Variants in MAP2K5 observed in about 807,000 individuals in gnomAD.
MAP2K5 encodes the protein dual specificity mitogen-activated protein kinase kinase 5.
A neutral mutation model predicts 83.1 loss-of-function variants in MAP2K5; 49 were observed. The ratio of observed to expected loss-of-function variants is 0.59; its 90% confidence interval spans 0.47 to 0.75. MAP2K5 has a LOEUF of 0.75. MAP2K5 is among the 30% of genes least tolerant of loss of function. The pLI, the probability that MAP2K5 is intolerant of heterozygous loss-of-function variation, is 0.00. For missense variants in MAP2K5, 457 were observed against 557.5 expected, an observed-to-expected ratio of 0.82 and a Z score of 1.82; for synonymous variants, 202 against 191.8, an observed-to-expected ratio of 1.05 and a Z score of -0.44.
chr15:67,575,851 CCTCTAT>C lies in MAP2K5; in HGVS notation c.253-4892_253-4887del, dbSNP rs1217859408. Among the ~76,000 whole-genome samples, 4 of 150,256 alleles carry C rather than the reference CCTCTAT, an allele frequency of 2.7e-5. No homozygotes were observed. In the South Asian group the frequency reaches 6.3e-4, roughly 24 times the overall value. Reference sequence around the variant, plus strand: ...CCAATGAGTGAGGGTTAGTTCTCTCCCTCTATCTCTATCTCTCTATCTCTGTCTCTG... The same window carrying C: ...CCAATGAGTGAGGGTTAGTTCTCTCCCTCTATCTCTCTATCTCTGTCTCTG... On this transcript the variant is annotated intron_variant, in intron 3 of 21. Coordinates refer to ENST00000178640, the MANE Select transcript of MAP2K5 (RefSeq NM_145160.3).
chr15:67,795,323 A>C (rs1445643235), intron 21 of MAP2K5, among the ~76,000 whole-genome samples: 1 of 152,228 alleles, frequency 6.6e-6, no homozygotes, highest in Non-Finnish European at 1.5e-5. Context: ...TTAAACACTT[A>C]GCTCATAAAT....
intron 21 of MAP2K5, among the ~76,000 whole-genome samples, chr15:67,805,180 G>A (rs548050151): frequency 6.6e-6 from 1 of 152,344 alleles, no homozygotes; most frequent in African/African-American, 2.4e-5. Flanking sequence ...CCTCCTCCTC[G>A]CAGCTCTGAC....
Position 67,769,620 on chromosome 15 carries a change from G to A in MAP2K5, c.1153G>A (p.Val385Ile), listed in dbSNP as rs749489821. 1.3e-5 allele frequency: 21 copies of A among 1,613,782 alleles called. No individual in the cohort carries two copies. The Middle Eastern group carries it at 1.5e-3, about 114-fold the overall frequency. Residue 385 changes from valine to isoleucine, a missense_variant, in exon 20 of 22, where the codon GTT becomes ATT. Physicochemically the swap from Val to Ile is conservative, Grantham distance 29 (BLOSUM62 3). Transcript: ENST00000178640. The surrounding 1 kb of genome is among the most constrained non-coding windows in gnomAD (Gnocchi z 5.2). ...IVDEDSPVLP[V>I]GEFSEPFVHF... ...ATCACAGGATTCGCCCGTCCTTCCA[G>A]TTGGAGAGTTCTCGGAGCCATTTGT... is the stretch of plus-strand genomic sequence containing the variant.
At position 67,565,007 on chromosome 15, in the gene MAP2K5, T is replaced by C. The variant is rs2084809341; in HGVS notation, c.252+1657T>C. On this transcript the variant is annotated intron_variant, in intron 3 of 21. Transcript: ENST00000178640. This position sits in a 1 kb window ranked among gnomAD's most constrained non-coding sequence, Gnocchi z 4.1. ...AAAATGCTTGAGGTATTTAATTTTTTTAGTTTTAATAATCACTCTGTAAGA... is the reference window on the plus strand; with the variant it reads ...AAAATGCTTGAGGTATTTAATTTTTCTAGTTTTAATAATCACTCTGTAAGA... Among the ~76,000 whole-genome samples, 1 of 152,214 alleles carries C rather than the reference T, an allele frequency of 6.6e-6. No homozygotes were observed. Among genetic ancestry groups the C allele is most frequent in the African/African-American group, 2.4e-5 (1 of 41,460 alleles).
intron 9 of MAP2K5, among the ~76,000 whole-genome samples, chr15:67,634,909 T>C (rs1050251859): frequency 2.0e-5 from 3 of 152,222 alleles, no homozygotes; most frequent in Non-Finnish European, 4.4e-5. Flanking sequence ...ACATTTCATA[T>C]GATTATTGAT....
chr15:67,642,000 A>T (rs988050852), intron 9 of MAP2K5, among the ~76,000 whole-genome samples: 1 of 152,188 alleles, frequency 6.6e-6, no homozygotes, highest in Non-Finnish European at 1.5e-5. Context: ...TTCCCTCTCA[A>T]GTTCTCAGAA....
chr15:67,638,022 C>A lies in MAP2K5; in HGVS notation c.585+7095C>A, dbSNP rs1461535503. ...TTTAACTTTTTTTAACTTTTTTTTA[C>A]TTTTAATTTTTTAAAAATTAAAAAA... On this transcript the variant is annotated intron_variant, in intron 9 of 21. Transcript: ENST00000178640. The surrounding 1 kb of genome is among the most constrained non-coding windows in gnomAD (Gnocchi z 4.5). Among the ~76,000 whole-genome samples the A allele has an allele frequency of 6.7e-6, 1 of 149,206 alleles. No individual in the cohort carries two copies. The highest frequency in any genetic ancestry group is 2.5e-5 in the African/African-American group (1 of 40,560).
At chr15:67,621,828 T>A (rs1429958016) in intron 8 of MAP2K5, among the ~76,000 whole-genome samples, 1 of 152,158 alleles carries the variant, frequency 6.6e-6, no homozygotes, top group Non-Finnish European at 1.5e-5. Flanking sequence ...GGAGCTTCCT[T>A]TGTTGTGGAG....
At chr15:67,650,660 C>G (rs552383595) in intron 11 of MAP2K5, among the ~76,000 whole-genome samples, 5 of 151,822 alleles carry the variant, frequency 3.3e-5, no homozygotes, top group Non-Finnish European at 7.4e-5. Flanking sequence ...ATGAACCAGT[C>G]TTGCAGTGTT....
At chr15:67,553,342 C>T (rs7167280) in intron 2 of MAP2K5, among the ~76,000 whole-genome samples, 22,447 of 152,186 alleles carry the variant, frequency 0.15, 2,150 homozygotes, top group African/African-American at 0.26. Flanking sequence ...CTCTACTACT[C>T]CAGGTTTACG....
chr15:67,599,437 AC>A (rs2085602784), intron 7 of MAP2K5, among the ~76,000 whole-genome samples: 1 of 152,208 alleles, frequency 6.6e-6, no homozygotes. Context: ...TGTTTCTGTT[AC>A]CTGCATTGTA....
intron 6 of MAP2K5, chr15:67,588,218 TC>T: frequency 2.6e-6 from 1 of 391,824 alleles, no homozygotes; most frequent in Non-Finnish European, 3.5e-6. Context: ...CACCTGACAT[TC>T]CAGCTTTGCT....
intron 13 of MAP2K5, among the ~76,000 whole-genome samples, chr15:67,686,780 T>C (rs1318958317): frequency 2.0e-5 from 3 of 152,126 alleles, no homozygotes; most frequent in African/African-American, 7.2e-5. Flanking sequence ...CAGCAAACTT[T>C]TTGGATGAGT....
At chr15:67,619,069 T>C (rs2086120592) in intron 8 of MAP2K5, among the ~76,000 whole-genome samples, 1 of 152,166 alleles carries the variant, frequency 6.6e-6, no homozygotes, top group Non-Finnish European at 1.5e-5. Flanking sequence ...CCCTCTTGCT[T>C]ATTCTACTTC....
At chr15:67,628,039 C>G in intron 8 of MAP2K5, 1 of 730,418 alleles carries the variant, frequency 1.4e-6, no homozygotes, top group Non-Finnish European at 2.4e-6. Context: ...ACATATGCCC[C>G]TGTGGAGGCA....
intron 9 of MAP2K5, among the ~76,000 whole-genome samples, chr15:67,634,445 G>A (rs908699345): frequency 1.3e-4 from 17 of 133,570 alleles, no homozygotes; most frequent in Non-Finnish European, 2.3e-4. Flanking sequence ...ATTGTATAAT[G>A]TCAATTAGAT....
intron 16 of MAP2K5, among the ~76,000 whole-genome samples, chr15:67,705,280 G>C (rs557205561): frequency 1.3e-5 from 2 of 152,350 alleles, no homozygotes; most frequent in East Asian, 1.9e-4. Context: ...TGCTATGCCT[G>C]CTGTATAGGC....
chr15:67,767,846 A>G (rs1299591529), intron 19 of MAP2K5, among the ~76,000 whole-genome samples: 1 of 152,038 alleles, frequency 6.6e-6, no homozygotes, highest in Non-Finnish European at 1.5e-5. Context: ...CCTGCGTGTA[A>G]TCCTTTGAAC....
intron 13 of MAP2K5, among the ~76,000 whole-genome samples, chr15:67,691,332 T>C (rs1464705072): frequency 1.3e-5 from 2 of 152,202 alleles, no homozygotes; most frequent in African/African-American, 2.4e-5. Flanking sequence ...AATGAGCTAA[T>C]GTATAAGAAA....
Sources: gnomAD v4.1 joint callset for allele counts (sites outside exome capture counted in the v4.1 genomes callset) on GRCh38, gnomAD v4.1.1 for gene constraint, Gnocchi (gnomAD v3.1) non-coding constraint, MANE v1.5 for transcripts, NCBI Gene and HGNC (gene_info 2026-07-23, HGNC 2026-07-21) for gene names.